The following AHCYL1 variants were observed in gnomAD, a reference collection of about 807,000 sequenced individuals.
AHCYL1 encodes S-adenosylhomocysteine hydrolase-like protein 1.
Under a neutral mutation model 79.3 loss-of-function variants are expected in AHCYL1, and 20 were observed. That is an observed-to-expected ratio of 0.25 (90% CI 0.18 to 0.37). AHCYL1 has a LOEUF of 0.37. Ranked by LOEUF, AHCYL1 falls within the 10% of genes least tolerant of loss-of-function variation. AHCYL1 has a pLI of 1.00. For synonymous variants in AHCYL1, 223 were observed against 242.2 expected (o/e 0.92, Z 0.74); for missense variants, 330 against 673.6 (o/e 0.49, Z 5.65).
At chr1:110,015,332 C>G (rs1295595534) in intron 6 of AHCYL1, 93 bp from the exon 7 acceptor site, 2 of 964,320 alleles carry the variant, frequency 2.1e-6, no homozygotes, top group Non-Finnish European at 3.3e-6. Context: ...CCAAAACATA[C>G]AGGGCTCTCT....
intron 5 of AHCYL1, among the ~76,000 whole-genome samples, chr1:110,014,393 A>G (rs61785488): frequency 0.16 from 24,275 of 152,214 alleles, 2,651 homozygotes; most frequent in Non-Finnish European, 0.24. Context: ...TCATATGGCT[A>G]TGTGATTTCA....
chr1:110,003,306 T>C (rs1013125604), intron 1 of AHCYL1, among the ~76,000 whole-genome samples: 27 of 152,310 alleles, frequency 1.8e-4, no homozygotes, highest in Non-Finnish European at 3.2e-4. Context: ...CCTTTATTTT[T>C]ACAGGACCAT....
intron 1 of AHCYL1, among the ~76,000 whole-genome samples, chr1:110,000,508 C>T (rs1444548059): frequency 4.6e-5 from 7 of 152,174 alleles, no homozygotes; most frequent in Admixed American, 2.6e-4. Context: ...CATTTCTTTG[C>T]ATCATTTTAC....
chr1:110,003,476 A>G (rs941925078), intron 1 of AHCYL1, among the ~76,000 whole-genome samples: 1 of 152,076 alleles, frequency 6.6e-6, no homozygotes, highest in Admixed American at 6.5e-5. Flanking sequence ...TTGGAAAAGT[A>G]AAGTACAACA....
rs139018984 is a variant in AHCYL1 at position 110,018,434 on chromosome 1, C to T, written c.1185C>T (p.Cys395=). 44 of 1,614,164 alleles carry T rather than the reference C, an allele frequency of 2.7e-5. No individual in the cohort carries two copies. The highest frequency in any genetic ancestry group is 3.6e-5 in the Non-Finnish European group (43 of 1,180,016). The change falls in exon 12 of 17, where the codon TGC becomes TGT. Residue 395 remains cysteine (C), a synonymous_variant. Coordinates refer to ENST00000369799, the MANE Select transcript of AHCYL1 (RefSeq NM_006621.7). ...LDRMKNSCIV[C]NMGHSNTEID... is the part of the protein sequence containing the mutation. ...GCATGAAAAACAGTTGTATCGTATG[C>T]AATATGGGCCACTCCAACACAGAAA...
intron 15 of AHCYL1, among the ~76,000 whole-genome samples, chr1:110,020,343 G>T (rs1651715496): frequency 6.6e-6 from 1 of 152,116 alleles, no homozygotes; most frequent in African/African-American, 2.4e-5. Flanking sequence ...TAGCTTACTG[G>T]TGTCCACTTT....
intron 1 of AHCYL1, among the ~76,000 whole-genome samples, chr1:110,007,779 A>T (rs1453801984): frequency 2.0e-5 from 3 of 152,242 alleles, no homozygotes; most frequent in African/African-American, 7.2e-5. Flanking sequence ...ATCTCAGTTC[A>T]CATACTCAAA....
chr1:110,003,966 G>T, intron 1 of AHCYL1: 1 of 985,374 alleles, frequency 1.0e-6, no homozygotes, highest in Non-Finnish European at 1.2e-6. Context: ...AGGAAGAGAG[G>T]GGAGTAGCTC....
intron 1 of AHCYL1, among the ~76,000 whole-genome samples, chr1:109,998,208 C>T (rs1488136902): frequency 6.6e-6 from 1 of 152,140 alleles, no homozygotes; most frequent in Non-Finnish European, 1.5e-5. Flanking sequence ...AAAAGAATTT[C>T]ACACCTCACT....
chr1:110,014,869 T>C lies in AHCYL1; in HGVS notation c.675+12T>C. On this transcript the variant is annotated intron_variant, in intron 6 of 16. Transcript: ENST00000369799. The stretch of plus-strand genomic sequence containing the variant: ...GGCAGGCCAACATGGTAATAATGCA[T>C]ATACATCCTACACTTTGACAATAGA... 1 of 1,602,836 alleles carries C rather than the reference T, an allele frequency of 6.2e-7. No homozygotes were observed. Among genetic ancestry groups the C allele is most frequent in the Non-Finnish European group, 8.5e-7 (1 of 1,169,654 alleles).
chr1:110,017,818 C>A, intron 10 of AHCYL1, 128 bp from the exon 11 acceptor site: 2 of 1,019,838 alleles, frequency 2.0e-6, no homozygotes, highest in South Asian at 1.4e-5. Context: ...TTTAGCAGAG[C>A]TTATCACTCA....
At chr1:109,996,122 G>A (rs922639406) in intron 1 of AHCYL1, among the ~76,000 whole-genome samples, 1 of 152,094 alleles carries the variant, frequency 6.6e-6, no homozygotes, top group African/African-American at 2.4e-5. Flanking sequence ...CAGGAAAATC[G>A]CTTGAACCCA....
rs1335443006 is a variant in AHCYL1 at position 110,012,392 on chromosome 1, G to A, written c.407G>A (p.Arg136His). ...DMSALISLRK[R>H]AQGEKPLAGA... is the part of the protein sequence containing the mutation. ...TCTGCTCTGATTTCACTCAGGAAAC[G>A]TGCTCAGGGGGAGAAGCCCTTGGCT... The change falls in exon 4 of 17, where the codon CGT (arginine) becomes CAT (histidine). Residue 136 changes from arginine (R) to histidine (H), a missense_variant. By Grantham distance (29) the Arg-to-His change is conservative. Transcript: ENST00000369799. 3 of 1,613,788 alleles carry A rather than the reference G, an allele frequency of 1.9e-6. No homozygotes were observed. Among genetic ancestry groups the A allele is most frequent in the South Asian group, 1.1e-5 (1 of 91,026 alleles).
At chr1:110,008,934 A>T (rs1650843394) in intron 1 of AHCYL1, 100 bp from the exon 2 acceptor site, 3 of 889,234 alleles carry the variant, frequency 3.4e-6, no homozygotes, top group African/African-American at 1.7e-5. Flanking sequence ...GAACCATGTG[A>T]TTACATGGCT....
chr1:109,988,721 G>A (rs1649596143), intron 1 of AHCYL1, among the ~76,000 whole-genome samples: 1 of 152,228 alleles, frequency 6.6e-6, no homozygotes, highest in Non-Finnish European at 1.5e-5. Flanking sequence ...GATCTGTGGA[G>A]TCAGACCCAT....
intron 1 of AHCYL1, among the ~76,000 whole-genome samples, chr1:109,988,207 G>A (rs1649570273): frequency 6.6e-6 from 1 of 151,692 alleles, no homozygotes; most frequent in African/African-American, 2.4e-5. Flanking sequence ...AATTCCTCAA[G>A]GGGACGACTT....
chr1:110,012,751 C>T (rs1001251389), intron 4 of AHCYL1, 146 bp from the exon 5 acceptor site: 13 of 585,726 alleles, frequency 2.2e-5, no homozygotes, highest in African/African-American at 1.7e-4. Flanking sequence ...CAGTGCACCA[C>T]CTCGCTGGAG....
At chr1:109,985,210 C>G in intron 1 of AHCYL1, 38 bp downstream of exon 1, 1 of 1,583,444 alleles carries the variant, frequency 6.3e-7, no homozygotes, top group South Asian at 1.1e-5. Flanking sequence ...GCTCGGGCTC[C>G]GGCCTCGCGG....
intron 5 of AHCYL1, among the ~76,000 whole-genome samples, chr1:110,013,802 CTTT>C (rs151045613): frequency 7.0e-6 from 1 of 142,170 alleles, no homozygotes. Flanking sequence ...ATCTTTCTTT[CTTT>C]TTTTTTTTTT....
Sources: allele counts gnomAD v4.1 joint callset (sites outside exome capture counted in the v4.1 genomes callset), GRCh38; gene constraint gnomAD v4.1.1; transcripts MANE v1.5; gene names NCBI Gene and HGNC (gene_info 2026-07-23, HGNC 2026-07-21).